Variants in SEMA3E observed in about 807,000 individuals in gnomAD.
The protein encoded by SEMA3E is semaphorin-3E.
In SEMA3E, 49 loss-of-function variants were observed where a neutral mutation model predicts 93.6. That is an observed-to-expected ratio of 0.52 (90% CI 0.42 to 0.66). The LOEUF is 0.66. Ranked by LOEUF, SEMA3E falls within the 30% of genes least tolerant of loss-of-function variation. The pLI is 0.00. For synonymous variants in SEMA3E, 363 were observed against 330.7 expected, an observed-to-expected ratio of 1.10 and a Z score of -1.06; for missense variants, 906 against 964.8, an observed-to-expected ratio of 0.94 and a Z score of 0.81.
intron 1 of SEMA3E, among the ~76,000 whole-genome samples, chr7:83,623,482 T>C (rs1481550225): frequency 1.3e-5 from 2 of 152,262 alleles, no homozygotes; most frequent in East Asian, 3.9e-4. Flanking sequence ...CACCAACATA[T>C]TAATAACTTG....
In SEMA3E at chr7:83,387,004, A is replaced by C; in HGVS notation, c.1714T>G (p.Cys572Gly). 6.2e-7 allele frequency: 1 copy of C among 1,613,408 alleles called. No homozygotes were observed. Among genetic ancestry groups the C allele is most frequent in the Non-Finnish European group, 8.5e-7 (1 of 1,179,656 alleles). ...DVRHGNAAQQ[C>G]FGQQFVGDAL... ...TTACCAACAAACTGTTGTCCAAAGC[A>C]CTGCTGAGCTGCATTTCCATGTCGA... Residue 572 changes from cysteine (C) to glycine (G), a missense_variant, in exon 15 of 17, where the codon TGC becomes GGC. By Grantham distance (159) the Cys-to-Gly change is radical. Transcript: ENST00000643230.
At chr7:83,601,008 G>A (rs530276152) in intron 1 of SEMA3E, among the ~76,000 whole-genome samples, 1 of 152,182 alleles carries the variant, frequency 6.6e-6, no homozygotes, top group Non-Finnish European at 1.5e-5. Context: ...TGAAACCAAT[G>A]CAATCACAAG....
chr7:83,588,111 C>T (rs888753170), intron 1 of SEMA3E, among the ~76,000 whole-genome samples: 2 of 152,082 alleles, frequency 1.3e-5, no homozygotes, highest in African/African-American at 2.4e-5. Flanking sequence ...GAGGCCGGCG[C>T]GGTGGCTCAT....
In SEMA3E at chr7:83,466,460, A is replaced by G. The variant is rs768900466; in HGVS notation, c.456+22T>C. On this transcript the variant is annotated intron_variant, in intron 4 of 16. Coordinates refer to ENST00000643230, the MANE Select transcript of SEMA3E (RefSeq NM_012431.3). ...TGTTTTAAGCATTGTTTTTATTGAC[A>G]GCAATGAATGAAACATCTTACCTCC... is the stretch of plus-strand genomic sequence containing the variant. 6 of 1,613,266 alleles carry G rather than the reference A, an allele frequency of 3.7e-6. No individual in the cohort carries two copies. The East Asian group carries it at 1.3e-4, about 36-fold the overall frequency.
chr7:83,497,068 A>G (rs988100908), intron 1 of SEMA3E, among the ~76,000 whole-genome samples: 11 of 152,124 alleles, frequency 7.2e-5, no homozygotes, highest in Non-Finnish European at 1.5e-4. Flanking sequence ...AGAGGGAACT[A>G]ATTATTATTG....
At chr7:83,565,424 G>T (rs1429035670) in intron 1 of SEMA3E, among the ~76,000 whole-genome samples, 1 of 151,972 alleles carries the variant, frequency 6.6e-6, no homozygotes, top group Non-Finnish European at 1.5e-5. Flanking sequence ...GGAACTTGGA[G>T]GATGGGTCAA....
At chr7:83,468,333 C>T (rs971742653) in intron 3 of SEMA3E, among the ~76,000 whole-genome samples, 1 of 152,170 alleles carries the variant, frequency 6.6e-6, no homozygotes, top group Admixed American at 6.5e-5. Flanking sequence ...TAAGCACCTG[C>T]ACTTCCTCTC....
At chr7:83,560,784 C>T (rs78792971) in intron 1 of SEMA3E, among the ~76,000 whole-genome samples, 2,959 of 151,598 alleles carry the variant, frequency 0.02, 158 homozygotes, top group East Asian at 0.16. Context: ...TGAACTTTGC[C>T]ATCAGAAAAT....
chr7:83,623,113 T>C (rs545204041), intron 1 of SEMA3E, among the ~76,000 whole-genome samples: 4 of 152,280 alleles, frequency 2.6e-5, no homozygotes, highest in Non-Finnish European at 5.9e-5. Flanking sequence ...GTGAGGAGGT[T>C]ACCAAAATAT....
chr7:83,446,395 G>T (rs576956318), intron 4 of SEMA3E, among the ~76,000 whole-genome samples: 6 of 152,180 alleles, frequency 3.9e-5, no homozygotes, highest in Admixed American at 3.3e-4. Context: ...CAGAACCAAG[G>T]CCAATGAATT....
At chr7:83,531,821 T>G (rs1273197579) in intron 1 of SEMA3E, among the ~76,000 whole-genome samples, 1 of 152,222 alleles carries the variant, frequency 6.6e-6, no homozygotes, top group East Asian at 1.9e-4. Flanking sequence ...TTCACTTCTT[T>G]TGTACTGTAA....
chr7:83,399,774 A>G (rs1788201347), intron 11 of SEMA3E, among the ~76,000 whole-genome samples: 1 of 152,134 alleles, frequency 6.6e-6, no homozygotes, highest in African/African-American at 2.4e-5. Context: ...ATCTGAAAAA[A>G]AACCACATAT....
intron 1 of SEMA3E, among the ~76,000 whole-genome samples, chr7:83,577,304 G>A (rs1025290630): frequency 5.9e-5 from 9 of 152,104 alleles, no homozygotes; most frequent in African/African-American, 4.8e-5. Context: ...TTTGAAAAGC[G>A]TATGTTGCAT....
At chr7:83,468,730 G>A (rs1219470723) in intron 3 of SEMA3E, among the ~76,000 whole-genome samples, 1 of 152,070 alleles carries the variant, frequency 6.6e-6, no homozygotes. Context: ...ACAGCATTCT[G>A]CCACTCACAC....
rs1794644547 is a variant in SEMA3E, at chr7:83,364,990, T to C, written c.*2596A>G. 1 of 152,236 alleles carries C rather than the reference T, an allele frequency of 6.6e-6. No homozygotes were observed. The allele number at this position is 152,236 out of a possible 1,614,324, so 9.4% of individuals were successfully genotyped here. ...CCTGGGCATTTCTCACAACAGATTCTGAATTTGAATTAATTCTAACCTCAG... is the reference window on the plus strand; with the variant it reads ...CCTGGGCATTTCTCACAACAGATTCCGAATTTGAATTAATTCTAACCTCAG... On this transcript the variant is annotated 3_prime_UTR_variant, in exon 17 of 17. Coordinates refer to ENST00000643230, the MANE Select transcript of SEMA3E (RefSeq NM_012431.3).
chr7:83,620,479 C>T (rs1395565607), intron 1 of SEMA3E, among the ~76,000 whole-genome samples: 1 of 152,098 alleles, frequency 6.6e-6, no homozygotes, highest in Non-Finnish European at 1.5e-5. Context: ...AGGAGGGAAT[C>T]TTTCCTAATT....
In SEMA3E at chr7:83,475,549, T is replaced by C. The variant is rs76824030; in HGVS notation, c.277-6247A>G. On this transcript the variant is annotated intron_variant, in intron 2 of 16. Transcript: ENST00000643230. ...CTTGGAGTCCCTCAGGTGTGACACGTATCCACTGAGTGCGGTGTCTACCTA... is the reference window on the plus strand; with the variant it reads ...CTTGGAGTCCCTCAGGTGTGACACGCATCCACTGAGTGCGGTGTCTACCTA... Among the ~76,000 whole-genome samples, 770 of 152,220 alleles carry C rather than the reference T, an allele frequency of 5.1e-3. 12 individuals carry two copies. Among genetic ancestry groups the C allele is most frequent in the African/African-American group, 0.018 (738 of 41,536 alleles).
chr7:83,518,944 T>A (rs1790988783), intron 1 of SEMA3E, among the ~76,000 whole-genome samples: 1 of 152,112 alleles, frequency 6.6e-6, no homozygotes, highest in Admixed American at 6.6e-5. Context: ...TTTACTTGTA[T>A]AATCATTAGA....
chr7:83,560,238 C>T (rs1368576578), intron 1 of SEMA3E, among the ~76,000 whole-genome samples: 1 of 151,992 alleles, frequency 6.6e-6, no homozygotes, highest in Non-Finnish European at 1.5e-5. Context: ...ATTGATGTGT[C>T]AATGTAGGTT....
Sources: gnomAD v4.1 joint callset for allele counts (sites outside exome capture counted in the v4.1 genomes callset) on GRCh38, gnomAD v4.1.1 for gene constraint, MANE v1.5 for transcripts, NCBI Gene and HGNC (gene_info 2026-07-23, HGNC 2026-07-21) for gene names.